The following TRIM69 variants were observed in gnomAD, a reference collection of about 807,000 sequenced individuals.
The protein encoded by TRIM69 is E3 ubiquitin-protein ligase TRIM69.
In TRIM69, 29 loss-of-function variants were observed where a neutral mutation model predicts 37.7. That is an observed-to-expected ratio of 0.77 (90% CI 0.57 to 1.05). The LOEUF is 1.05. TRIM69 is among the 50% of genes least tolerant of loss of function. The probability of loss-of-function intolerance (pLI) is 0.00; values close to 1 mark genes in which losing one functional copy is unlikely to be tolerated. For missense variants in TRIM69, 596 were observed against 579.9 expected (o/e 1.03, Z -0.28); for synonymous variants, 209 against 212.4 (o/e 0.98, Z 0.14).
chr15:44,756,664 A>T (rs2087655781), intron 3 of TRIM69: 1 of 455,144 alleles, frequency 2.2e-6, no homozygotes, highest in Non-Finnish European at 3.9e-6. Flanking sequence ...AACAGAGCAG[A>T]TTAACCTTTC....
intron 1 of TRIM69, among the ~76,000 whole-genome samples, chr15:44,744,387 C>G (rs979469688): frequency 6.7e-6 from 1 of 149,834 alleles, no homozygotes; most frequent in Admixed American, 6.7e-5. Context: ...AGCACACCAA[C>G]ATGGCACATG....
intron 2 of TRIM69, among the ~76,000 whole-genome samples, chr15:44,755,737 C>A (rs776308575): frequency 3.3e-5 from 5 of 152,204 alleles, no homozygotes; most frequent in Admixed American, 2.0e-4. Context: ...ATTAAGATAG[C>A]CTCGTGTTAA....
chr15:44,767,682 T>A lies in TRIM69; in HGVS notation c.1413T>A (p.Thr471=). Residue 471 remains threonine (T), a synonymous_variant, in exon 7 of 7, where the codon ACT becomes ACA. Transcript: ENST00000329464. The part of the protein sequence containing the change: ...TMTHIYTFSN[T]FMEKLYPYFC... ...CTCACATTTACACCTTCAGTAACAC[T>A]TTCATGGAGAAACTTTATCCCTACT... 6.2e-7 allele frequency: 1 copy of A among 1,614,190 alleles called. No individual in the cohort carries two copies. Among genetic ancestry groups the A allele is most frequent in the Non-Finnish European group, 8.5e-7 (1 of 1,180,040 alleles).
chr15:44,759,978 A>G, intron 6 of TRIM69, 106 bp downstream of exon 6: 3 of 1,372,256 alleles, frequency 2.2e-6, no homozygotes, highest in Non-Finnish European at 3.0e-6. Context: ...GGGATAGGGA[A>G]GGGGTACAGT....
intron 6 of TRIM69, among the ~76,000 whole-genome samples, chr15:44,761,745 A>G (rs573709199): frequency 6.6e-6 from 1 of 152,330 alleles, no homozygotes; most frequent in South Asian, 2.1e-4. Context: ...AATTACAGGC[A>G]TGAGCCGTGG....
intron 1 of TRIM69, among the ~76,000 whole-genome samples, chr15:44,736,935 T>C (rs1317818836): frequency 1.3e-5 from 2 of 152,130 alleles, no homozygotes; most frequent in Non-Finnish European, 2.9e-5. Context: ...CCAAAACATT[T>C]TGAGAAAAAA....
chr15:44,767,246 C>T lies in TRIM69; in HGVS notation c.977C>T (p.Thr326Ile), dbSNP rs765531334. 6.2e-7 allele frequency: 1 copy of T among 1,613,684 alleles called. No individual in the cohort carries two copies. Among genetic ancestry groups the T allele is most frequent in the South Asian group, 1.1e-5 (1 of 91,024 alleles). The change falls in exon 7 of 7, where the codon ACT (threonine) becomes ATT (isoleucine). Residue 326 changes from threonine (T) to isoleucine (I), a missense_variant. Transcript: ENST00000329464. ...DTLCPGLSPL[T>I]LDPKTAHPNL... ...TTCTTACTAGGCCTGTCTCCACTAA[C>T]TCTGGACCCTAAAACAGCTCACCCA...
intron 1 of TRIM69, among the ~76,000 whole-genome samples, chr15:44,750,715 C>CTTT (rs869059418): frequency 0.011 from 1,119 of 102,822 alleles, 333 homozygotes; most frequent in African/African-American, 0.041. Context: ...ATTACTTTTT[C>CTTT]TTTTTTTTTT....
At chr15:44,767,096 A>ATTGC in intron 6 of TRIM69, 135 bp from the exon 7 acceptor site, 1 of 395,946 alleles carries the variant, frequency 2.5e-6, no homozygotes, top group Non-Finnish European at 4.5e-6. Flanking sequence ...CATATAAGTA[A>ATTGC]TTGCTTGCCT....
At chr15:44,743,597 T>C (rs1281855198) in intron 1 of TRIM69, among the ~76,000 whole-genome samples, 1 of 151,956 alleles carries the variant, frequency 6.6e-6, no homozygotes, top group African/African-American at 2.4e-5. Flanking sequence ...GAATCTACAA[T>C]GAACTCAAAC....
In TRIM69 at chr15:44,752,884, A is replaced by C. The variant is rs577166628; in HGVS notation, c.7-2016A>C. ...TTAGTTTTAATAGTACAAAGCAAAA[A>C]ATTTTACTATAAAAACTCTGCTCCT... On this transcript the variant is annotated intron_variant, in intron 1 of 6. Coordinates refer to ENST00000329464, the MANE Select transcript of TRIM69 (RefSeq NM_182985.5). 4 of 152,252 alleles carry C rather than the reference A, an allele frequency of 2.6e-5. No individual in the cohort carries two copies. The South Asian group carries it at 8.3e-4, about 32-fold the overall frequency. 9.4% of individuals were successfully genotyped at this position (152,252 alleles called of 1,614,324 possible).
At chr15:44,756,541 TG>T (rs2087652957) in intron 3 of TRIM69, 78 bp downstream of exon 3, 11 of 965,152 alleles carry the variant, frequency 1.1e-5, no homozygotes, top group Non-Finnish European at 4.8e-6. Context: ...GGTACAAAGG[TG>T]CCTAACATAT....
chr15:44,758,958 A>G (rs1440605473), intron 4 of TRIM69, 104 bp downstream of exon 4: 21 of 1,333,008 alleles, frequency 1.6e-5, no homozygotes, highest in Non-Finnish European at 2.1e-5. Context: ...GGAAAACAAA[A>G]CAAAACAAAA....
chr15:44,755,265 G>C lies in TRIM69; in HGVS notation c.372G>C (p.Leu124=), dbSNP rs145191382. The C allele has an allele frequency of 6.2e-7, 1 of 1,614,206 alleles. No homozygotes were observed. The highest frequency in any genetic ancestry group is 1.7e-5 in the Admixed American group (1 of 60,032). ...QCPEHGENLK[L]FSKPDGKLIC... ...CAGAGCATGGAGAGAACCTGAAACT[G>C]TTCAGTAAACCAGATGGGAAACTGA... is the stretch of plus-strand genomic sequence containing the variant. Residue 124 remains leucine (L), a synonymous_variant, in exon 2 of 7, where the codon CTG becomes CTC. Coordinates refer to ENST00000329464, the MANE Select transcript of TRIM69 (RefSeq NM_182985.5).
intron 3 of TRIM69, chr15:44,757,907 A>G (rs1382769730): frequency 6.6e-6 from 1 of 152,348 alleles, no homozygotes; most frequent in Non-Finnish European, 1.5e-5. Context: ...GAGGACATGA[A>G]GGTAGAAGTT....
chr15:44,757,256 G>A (rs2087670622), intron 3 of TRIM69: 2 of 152,080 alleles, frequency 1.3e-5, no homozygotes. Context: ...ACTAGATATT[G>A]GGGATGGGAG....
At chr15:44,741,160 A>G (rs1225734585) in intron 1 of TRIM69, among the ~76,000 whole-genome samples, 8 of 151,270 alleles carry the variant, frequency 5.3e-5, no homozygotes, top group Admixed American at 6.6e-5. Flanking sequence ...GGATTAAGAA[A>G]CTCACTCAAA....
chr15:44,756,309 T>C, intron 2 of TRIM69, 59 bp from the exon 3 acceptor site: 1 of 1,217,864 alleles, frequency 8.2e-7, no homozygotes, highest in Non-Finnish European at 1.2e-6. Context: ...GGGGAAGATG[T>C]CCTTTATGGT....
At chr15:44,759,935 T>G in intron 6 of TRIM69, 63 bp downstream of exon 6, 1 of 1,555,790 alleles carries the variant, frequency 6.4e-7, no homozygotes, top group Non-Finnish European at 8.7e-7. Context: ...CTGTGGGACT[T>G]CTTCTGTGGC....
Sources: gnomAD v4.1 joint callset for allele counts (sites outside exome capture counted in the v4.1 genomes callset) on GRCh38, gnomAD v4.1.1 for gene constraint, MANE v1.5 for transcripts, NCBI Gene and HGNC (gene_info 2026-07-23, HGNC 2026-07-21) for gene names.